The following SNCAIP variants were observed in gnomAD, a reference collection of about 807,000 sequenced individuals.
The protein encoded by SNCAIP is synphilin-1.
Under a neutral mutation model 86.7 loss-of-function variants are expected in SNCAIP, and 43 were observed. The ratio of observed to expected loss-of-function variants is 0.50; its 90% CI spans 0.39 to 0.64. The LOEUF (loss-of-function observed/expected upper bound fraction) is 0.64, where lower values mean the gene tolerates loss of function less well. Among genes scored for constraint, SNCAIP ranks in the 30% least tolerant of loss-of-function variants. The pLI, the probability that SNCAIP is intolerant of heterozygous loss-of-function variation, is 0.00. For synonymous variants in SNCAIP, 417 were observed against 427.2 expected, an observed-to-expected ratio of 0.98 and a Z score of 0.29; for missense variants, 981 against 1,103.1, an observed-to-expected ratio of 0.89 and a Z score of 1.57.
intron 1 of SNCAIP, among the ~76,000 whole-genome samples, chr5:122,384,800 T>A (rs969195622): frequency 3.3e-5 from 5 of 152,202 alleles, no homozygotes; most frequent in African/African-American, 4.8e-5. Flanking sequence ...GCCAGAAATT[T>A]GATATTCCAA....
At chr5:122,444,951 C>A in intron 8 of SNCAIP, 1 of 575,364 alleles carries the variant, frequency 1.7e-6, no homozygotes, top group Non-Finnish European at 3.1e-6. Context: ...GTAAAGTGTA[C>A]AGCAAGCTCC....
In SNCAIP at chr5:122,463,566, C is replaced by G. The variant is rs149180835; in HGVS notation, c.*70C>G. The G allele has an allele frequency of 1.1e-3, 1,669 of 1,582,570 alleles. 19 individuals are homozygous for G. The African/African-American group carries it at 0.019, about 18-fold the overall frequency. Reference sequence around the variant, plus strand: ...TTGCTGAGCCAGAGTCAAAAGAACTCTTCTTGTAAATCACTTTTTAAATTT... The same window carrying G: ...TTGCTGAGCCAGAGTCAAAAGAACTGTTCTTGTAAATCACTTTTTAAATTT... On this transcript the variant is annotated 3_prime_UTR_variant, in exon 11 of 11. Transcript: ENST00000261368.
In SNCAIP at chr5:122,321,977, AC is replaced by A. The variant is rs1753034915; in HGVS notation, c.-47+9694del. ...CAACATGGAAAAAAAAAACAAAAAAACAGGACAGACCAAACACAAAAACAAA... is the reference window on the plus strand; with the variant it reads ...CAACATGGAAAAAAAAAACAAAAAAAAGGACAGACCAAACACAAAAACAAA... On this transcript the variant is annotated intron_variant, in intron 1 of 10. Coordinates refer to ENST00000261368, the MANE Select transcript of SNCAIP (RefSeq NM_005460.4). 4 of 152,376 alleles carry A rather than the reference AC, an allele frequency of 2.6e-5. No homozygotes were observed. In the South Asian group the frequency reaches 8.3e-4, roughly 32 times the overall value. 9.4% of individuals were successfully genotyped at this position (152,376 alleles called of 1,614,324 possible).
chr5:122,327,514 A>G (rs1056551914), intron 1 of SNCAIP, among the ~76,000 whole-genome samples: 4 of 152,086 alleles, frequency 2.6e-5, no homozygotes, highest in African/African-American at 9.7e-5. Context: ...AGTATCCCCC[A>G]TGTTGTTCTC....
At chr5:122,349,702 A>G (rs927867477) in intron 1 of SNCAIP, among the ~76,000 whole-genome samples, 3 of 152,170 alleles carry the variant, frequency 2.0e-5, no homozygotes, top group Non-Finnish European at 4.4e-5. Context: ...GGCAGGCAGA[A>G]CCTCAGCAAA....
At chr5:122,412,078 G>A (rs1417424448) in intron 3 of SNCAIP, among the ~76,000 whole-genome samples, 1 of 152,108 alleles carries the variant, frequency 6.6e-6, no homozygotes, top group Non-Finnish European at 1.5e-5. Context: ...ACGTCAAGGA[G>A]CCTCCTTCAG....
At chr5:122,442,292 G>A (rs1781190747) in intron 7 of SNCAIP, among the ~76,000 whole-genome samples, 2 of 151,942 alleles carry the variant, frequency 1.3e-5, no homozygotes, top group Admixed American at 6.6e-5. Flanking sequence ...GGAGACTTGG[G>A]AAATGACAGG....
intron 1 of SNCAIP, among the ~76,000 whole-genome samples, chr5:122,355,914 A>G (rs1329117569): frequency 6.6e-6 from 1 of 152,182 alleles, no homozygotes; most frequent in Non-Finnish European, 1.5e-5. Flanking sequence ...TCAAAACAGC[A>G]CTTATAGTGA....
intron 1 of SNCAIP, among the ~76,000 whole-genome samples, chr5:122,344,292 G>A (rs1758170982): frequency 6.6e-6 from 1 of 152,148 alleles, no homozygotes; most frequent in Non-Finnish European, 1.5e-5. Context: ...GCTGTAAAAA[G>A]ATAGATTGAG....
chr5:122,321,542 A>G (rs113763874), intron 1 of SNCAIP: 7 of 152,224 alleles, frequency 4.6e-5, no homozygotes, highest in South Asian at 2.1e-4. Context: ...GGAAGGGAAT[A>G]TGTCTTTGTC....
chr5:122,406,111 C>T (rs757829771), intron 3 of SNCAIP, among the ~76,000 whole-genome samples: 16 of 152,264 alleles, frequency 1.1e-4, no homozygotes, highest in Middle Eastern at 3.4e-3. Context: ...AAGGAACCCA[C>T]GGAAAAATGT....
chr5:122,382,188 G>T (rs1033139453), intron 1 of SNCAIP, among the ~76,000 whole-genome samples: 2 of 152,084 alleles, frequency 1.3e-5, no homozygotes, highest in African/African-American at 4.8e-5. Context: ...CCAATCAGAC[G>T]TAGATTTGGT....
At chr5:122,339,615 A>G (rs1206718246) in intron 1 of SNCAIP, among the ~76,000 whole-genome samples, 1 of 152,136 alleles carries the variant, frequency 6.6e-6, no homozygotes, top group African/African-American at 2.4e-5. Flanking sequence ...TCAGTAGGAG[A>G]TTTCCGGTCT....
chr5:122,341,435 T>C (rs1025670106), intron 1 of SNCAIP, among the ~76,000 whole-genome samples: 1 of 152,224 alleles, frequency 6.6e-6, no homozygotes, highest in Non-Finnish European at 1.5e-5. Flanking sequence ...TCATTTTCTA[T>C]AGTTTTGTGT....
rs140056488 is a variant in SNCAIP at position 122,314,701 on chromosome 5, T to A, written c.-47+2417T>A. ...TATGCATGATTTTTCACTTTATAGA[T>A]TAGGTAACTAGATTTATATTTTATG... On this transcript the variant is annotated intron_variant, in intron 1 of 10. Transcript: ENST00000261368. Among the ~76,000 whole-genome samples the A allele has an allele frequency of 2.0e-5, 3 of 152,320 alleles. No individual in the cohort carries two copies. In the East Asian group the frequency reaches 5.8e-4, roughly 29 times the overall value.
chr5:122,443,180 C>T (rs1581307213), intron 7 of SNCAIP, among the ~76,000 whole-genome samples: 1 of 152,080 alleles, frequency 6.6e-6, no homozygotes, highest in East Asian at 1.9e-4. Flanking sequence ...AAACGAAGCT[C>T]CTTACTGACC....
chr5:122,401,163 A>G, intron 2 of SNCAIP: 3 of 1,539,216 alleles, frequency 1.9e-6, no homozygotes, highest in Non-Finnish European at 2.6e-6. Context: ...ATAAAAGGCC[A>G]TCTGTCCTGT....
intron 1 of SNCAIP, among the ~76,000 whole-genome samples, chr5:122,345,800 A>G (rs181373405): frequency 6.7e-4 from 101 of 151,394 alleles, no homozygotes; most frequent in African/African-American, 1.9e-3. Flanking sequence ...GCCTAGGACT[A>G]CAGATGTGTG....
chr5:122,463,034 A>G (rs1786814434), intron 10 of SNCAIP, among the ~76,000 whole-genome samples: 1 of 152,224 alleles, frequency 6.6e-6, no homozygotes, highest in Non-Finnish European at 1.5e-5. Flanking sequence ...TCAACATGCT[A>G]TTACTCAGTA....
Sources: gnomAD v4.1 joint callset for allele counts (sites outside exome capture counted in the v4.1 genomes callset) on GRCh38, gnomAD v4.1.1 for gene constraint, MANE v1.5 for transcripts, NCBI Gene and HGNC (gene_info 2026-07-23, HGNC 2026-07-21) for gene names.